Variants in CKAP5 observed in about 807,000 individuals in gnomAD.
CKAP5 encodes cytoskeleton associated protein 5.
CKAP5 carries 27 observed loss-of-function variants against 232.8 expected under a neutral mutation model. The ratio of observed to expected loss-of-function variants is 0.12; its 90% confidence interval spans 0.09 to 0.16. The LOEUF is 0.16. Among genes scored for constraint, CKAP5 ranks in the 10% least tolerant of loss-of-function variants. The probability of loss-of-function intolerance (pLI) is 1.00; values close to 1 mark genes in which losing one functional copy is unlikely to be tolerated. For synonymous variants in CKAP5, 785 were observed against 841.1 expected (o/e 0.93, Z 1.16); for missense variants, 1,838 against 2,424.7 (o/e 0.76, Z 5.08).
chr11:46,799,380 A>C (rs1016929008), intron 9 of CKAP5, among the ~76,000 whole-genome samples: 2 of 152,182 alleles, frequency 1.3e-5, no homozygotes, highest in Non-Finnish European at 2.9e-5. Context: ...GGTATAGTTC[A>C]AGGACTATGG....
intron 13 of CKAP5, among the ~76,000 whole-genome samples, chr11:46,791,794 T>C (rs1210373061): frequency 2.6e-5 from 4 of 152,320 alleles, no homozygotes; most frequent in African/African-American, 4.8e-5. Context: ...AAATGATAAC[T>C]GTATTATGGC....
At chr11:46,843,082 A>C (rs1022582909) in intron 1 of CKAP5, among the ~76,000 whole-genome samples, 30 of 150,320 alleles carry the variant, frequency 2.0e-4, no homozygotes, top group Non-Finnish European at 2.8e-4. Flanking sequence ...CCAGGAGTTC[A>C]AGACTAGCCT....
At chr11:46,814,659 C>G (rs765763128) in intron 4 of CKAP5, among the ~76,000 whole-genome samples, 1 of 152,170 alleles carries the variant, frequency 6.6e-6, no homozygotes, top group Non-Finnish European at 1.5e-5. Flanking sequence ...AGTGATCTGT[C>G]TAATTCAGAT....
chr11:46,770,709 G>T lies in CKAP5; in HGVS notation c.3186+79C>A, dbSNP rs947606810. On this transcript the variant is annotated intron_variant, in intron 25 of 43. Transcript: ENST00000529230. ...CTCCCAAAGTGTTGGGATTACAGGC[G>T]TGAGCCACCGTGCCAGGCCCATGTT... The T allele has an allele frequency of 4.5e-6, 6 of 1,347,014 alleles. No individual in the cohort carries two copies. In the East Asian group the frequency reaches 1.2e-4, roughly 26 times the overall value. The allele number at this position is 1,347,014 out of a possible 1,614,324, so 83.4% of individuals were successfully genotyped here. A position where few individuals can be genotyped will look rare whatever the true frequency, so the allele number is the denominator to read the frequency against.
At chr11:46,826,497 C>T (rs1325934409) in intron 1 of CKAP5, among the ~76,000 whole-genome samples, 1 of 152,188 alleles carries the variant, frequency 6.6e-6, no homozygotes, top group Non-Finnish European at 1.5e-5. Context: ...GCAACCCTCT[C>T]CTCACCCCAA....
intron 32 of CKAP5, 25 bp from the exon 33 acceptor site, chr11:46,760,809 C>T: frequency 6.2e-7 from 1 of 1,600,610 alleles, no homozygotes; most frequent in Non-Finnish European, 8.5e-7. Context: ...AATTTAGAAA[C>T]CTAACTGGAT....
chr11:46,748,901 G>A (rs1452025566), intron 42 of CKAP5, among the ~76,000 whole-genome samples: 1 of 151,518 alleles, frequency 6.6e-6, no homozygotes, highest in African/African-American at 2.4e-5. Flanking sequence ...ATGCGATCTC[G>A]GCCCAGTGCA....
At chr11:46,841,868 C>T (rs1940061644) in intron 1 of CKAP5, among the ~76,000 whole-genome samples, 1 of 151,816 alleles carries the variant, frequency 6.6e-6, no homozygotes, top group African/African-American at 2.4e-5. Flanking sequence ...TGCTGTGGCT[C>T]ACGCCTGTAA....
intron 35 of CKAP5, among the ~76,000 whole-genome samples, chr11:46,755,510 T>A (rs1269377213): frequency 6.6e-6 from 1 of 151,622 alleles, no homozygotes; most frequent in African/African-American, 2.4e-5. Context: ...CCTGGCCCCA[T>A]TTAAATATAA....
rs191794282 is a variant in CKAP5, at chr11:46,748,810, G to A, written c.5704+1464C>T. ...ACAAAAGTCAATGGATCAGGCTTACGGGATGATCAGGACTTTAGTTTTTTT... is the reference window on the plus strand; with the variant it reads ...ACAAAAGTCAATGGATCAGGCTTACAGGATGATCAGGACTTTAGTTTTTTT... On this transcript the variant is annotated intron_variant, in intron 42 of 43. Transcript: ENST00000529230. Among the ~76,000 whole-genome samples, 434 of 151,942 alleles carry A rather than the reference G, an allele frequency of 2.9e-3. 3 individuals are homozygous for A. Among genetic ancestry groups the A allele is most frequent in the African/African-American group, 9.7e-3 (401 of 41,514 alleles).
rs1247871260 is a variant in CKAP5 at position 46,751,100 on chromosome 11, T to C, written c.5460+18A>G. On this transcript the variant is annotated intron_variant, in intron 40 of 43. Transcript: ENST00000529230. ...GTGTAGCCTCATGTCCCTCAATCTT[T>C]CAAGTCAGGCCACTCACTATTCGAG... 3.7e-6 allele frequency: 6 copies of C among 1,613,830 alleles called. No homozygotes were observed. The highest frequency in any genetic ancestry group is 5.1e-6 in the Non-Finnish European group (6 of 1,179,876).
At chr11:46,744,948 G>A (rs1452983567) in intron 42 of CKAP5, among the ~76,000 whole-genome samples, 2 of 152,172 alleles carry the variant, frequency 1.3e-5, no homozygotes, top group East Asian at 1.9e-4. Flanking sequence ...ATGTTTGGAA[G>A]AATTAGATTA....
intron 1 of CKAP5, among the ~76,000 whole-genome samples, chr11:46,829,991 G>A (rs1939743781): frequency 2.6e-5 from 4 of 151,910 alleles, no homozygotes; most frequent in Admixed American, 2.6e-4. Context: ...TTGGAAAAAG[G>A]GTCTTTGCAG....
Position 46,811,153 on chromosome 11 carries a change from G to A in CKAP5, c.484C>T (p.Leu162Phe). Reference sequence around the variant, plus strand: ...GGCAACACTTTGATAATTGGCTTAAGCAAGATGATTTTGGAACCAAATTCA... The same window carrying A: ...GGCAACACTTTGATAATTGGCTTAAACAAGATGATTTTGGAACCAAATTCA... Reference protein sequence around the residue: ...LSEFGSKIILLKPIIKVLPKL... With the variant: ...LSEFGSKIILFKPIIKVLPKL... The change falls in exon 5 of 44, where the codon CTT (leucine) becomes TTT (phenylalanine). Residue 162 changes from leucine (L) to phenylalanine (F), a missense_variant. By Grantham distance (22) the Leu-to-Phe change is conservative. Around this residue, in one of 6 missense-constraint regions of CKAP5, gnomAD observed 285 missense variants for 300.0 expected, o/e 0.95. Transcript: ENST00000529230. 2 of 1,612,988 alleles carry A rather than the reference G, an allele frequency of 1.2e-6. No individual in the cohort carries two copies. The highest frequency in any genetic ancestry group is 8.5e-7 in the Non-Finnish European group (1 of 1,179,696).
At position 46,768,285 on chromosome 11, in the gene CKAP5, G is replaced by A. The variant is rs2065220766; in HGVS notation, c.3323-622C>T. 2.6e-5 allele frequency among the ~76,000 whole-genome samples: 4 copies of A among 152,044 alleles called. No individual in the cohort carries two copies. In the South Asian group the frequency reaches 6.2e-4, roughly 24 times the overall value. The stretch of plus-strand genomic sequence containing the variant: ...GGCTCACTGCAGCCTTGACCTCCCT[G>A]GCTAAAACAGTCCTCCTACCTCAGC... On this transcript the variant is annotated intron_variant, in intron 26 of 43. Coordinates refer to ENST00000529230, the MANE Select transcript of CKAP5 (RefSeq NM_001008938.4).
intron 1 of CKAP5, among the ~76,000 whole-genome samples, chr11:46,834,556 C>T (rs913184967): frequency 2.7e-5 from 4 of 149,938 alleles, no homozygotes; most frequent in Non-Finnish European, 5.9e-5. Context: ...AAGCCTAAGT[C>T]GGGTTACAGC....
intron 24 of CKAP5, among the ~76,000 whole-genome samples, chr11:46,772,743 T>G (rs548113060): frequency 2.9e-4 from 44 of 151,976 alleles, no homozygotes; most frequent in African/African-American, 8.9e-4. Flanking sequence ...CTTTTTTTTT[T>G]TTGTTTTTTT....
rs865801194 is a variant in CKAP5 at position 46,765,111 on chromosome 11, G to A, written c.3537+20C>T. On this transcript the variant is annotated intron_variant, in intron 28 of 43. Transcript: ENST00000529230. ...ACAATACAAGCAAAAATCTCCTGAC[G>A]ATTCTTAATCCTTCCTTACCTTCAA... 13 of 1,596,094 alleles carry A rather than the reference G, an allele frequency of 8.1e-6. No individual in the cohort carries two copies. Among genetic ancestry groups the A allele is most frequent in the African/African-American group, 2.7e-5 (2 of 74,026 alleles).
rs766256526 is a variant in CKAP5 at position 46,846,271 on chromosome 11, G to C, written c.-89C>G. The C allele has an allele frequency of 6.6e-6, 1 of 152,274 alleles. No individual in the cohort carries two copies. The highest frequency in any genetic ancestry group is 1.5e-5 in the Non-Finnish European group (1 of 68,214). 9.4% of individuals were successfully genotyped at this position (152,274 alleles called of 1,614,324 possible). ...TGCTCTAAGCCGTTTGAAACCGCTT[G>C]GGCCGCCGCACACCCCGCAGTGTCC... On this transcript the variant is annotated 5_prime_UTR_variant, in exon 1 of 44. Transcript: ENST00000529230.
Sources: gnomAD v4.1 joint callset for allele counts (sites outside exome capture counted in the v4.1 genomes callset) on GRCh38, gnomAD v4.1.1 for gene constraint, gnomAD v4.1.1 regional missense constraint, MANE v1.5 for transcripts, NCBI Gene and HGNC (gene_info 2026-07-23, HGNC 2026-07-21) for gene names.